Variants in CTNNA3 observed in about 807,000 individuals in gnomAD.
CTNNA3 encodes the protein catenin alpha-3.
CTNNA3 carries 76 observed loss-of-function variants against 95.7 expected under a neutral mutation model. The ratio of observed to expected loss-of-function variants is 0.79; its 90% CI spans 0.66 to 0.96. The LOEUF is 0.96. Ranked by LOEUF, CTNNA3 falls within the 40% of genes least tolerant of loss-of-function variation. The pLI is 0.00. For missense variants in CTNNA3, 1,191 were observed against 1,089.8 expected (o/e 1.09, Z -1.31); for synonymous variants, 431 against 374.4 (o/e 1.15, Z -1.74).
At chr10:66,108,726 C>T (rs1338345174) in intron 13 of CTNNA3, among the ~76,000 whole-genome samples, 1 of 151,970 alleles carries the variant, frequency 6.6e-6, no homozygotes, top group African/African-American at 2.4e-5. Flanking sequence ...CATAGTATGT[C>T]TCAATTTTTC....
intron 7 of CTNNA3, among the ~76,000 whole-genome samples, chr10:67,052,313 A>ACTCTCTCTCTCTCTCTCT (rs3841706): frequency 1.2e-4 from 15 of 121,118 alleles, no homozygotes; most frequent in South Asian, 6.3e-4. Flanking sequence ...CCCACTCATC[A>ACTCTCTCTCTCTCTCTCT]CTCTCTCTCT....
At chr10:67,228,167 T>G (rs1865017138) in intron 5 of CTNNA3, among the ~76,000 whole-genome samples, 1 of 151,566 alleles carries the variant, frequency 6.6e-6, no homozygotes, top group Admixed American at 6.6e-5. Flanking sequence ...AGAAAGGAAA[T>G]AACCAAGATC....
chr10:66,155,547 A>T (rs564528160), intron 13 of CTNNA3, among the ~76,000 whole-genome samples: 1 of 151,952 alleles, frequency 6.6e-6, no homozygotes, highest in Non-Finnish European at 1.5e-5. Context: ...ACAAACCCAC[A>T]CACGTTCCTG....
chr10:66,057,375 T>C (rs2080108419), intron 15 of CTNNA3, among the ~76,000 whole-genome samples: 1 of 152,212 alleles, frequency 6.6e-6, no homozygotes, highest in Admixed American at 6.5e-5. Flanking sequence ...ACAAATTTAC[T>C]ACAGAGTTTA....
chr10:66,305,785 A>G (rs1046630148), intron 12 of CTNNA3, among the ~76,000 whole-genome samples: 2 of 152,204 alleles, frequency 1.3e-5, no homozygotes, highest in African/African-American at 4.8e-5. Flanking sequence ...TTAAAAAGGG[A>G]AAATGTATAT....
chr10:66,107,889 T>G (rs986233302), intron 13 of CTNNA3, among the ~76,000 whole-genome samples: 3 of 152,122 alleles, frequency 2.0e-5, no homozygotes, highest in Admixed American at 6.5e-5. Context: ...CATGCTTGGC[T>G]TCTTCTCAGA....
intron 1 of CTNNA3, among the ~76,000 whole-genome samples, chr10:67,695,208 C>G (rs910080223): frequency 1.3e-5 from 2 of 152,206 alleles, no homozygotes; most frequent in African/African-American, 4.8e-5. Flanking sequence ...TGCATTCTCA[C>G]GTTATCTCCA....
chr10:66,464,645 T>C (rs558506176), intron 11 of CTNNA3, among the ~76,000 whole-genome samples: 55 of 151,932 alleles, frequency 3.6e-4, no homozygotes, highest in Middle Eastern at 3.4e-3. Flanking sequence ...TGCCTGTAAT[T>C]CCAGCTACTT....
chr10:66,909,764 A>G (rs1390091867), intron 7 of CTNNA3, among the ~76,000 whole-genome samples: 1 of 152,134 alleles, frequency 6.6e-6, no homozygotes, highest in Non-Finnish European at 1.5e-5. Flanking sequence ...CACTTATCAC[A>G]TCTTGGGTAA....
intron 5 of CTNNA3, among the ~76,000 whole-genome samples, chr10:67,260,274 G>A (rs943408373): frequency 3.9e-5 from 6 of 152,148 alleles, no homozygotes; most frequent in African/African-American, 1.4e-4. Context: ...TGCTACACTC[G>A]GAAGAGGACC....
At chr10:65,950,260 A>C (rs911775731) in intron 17 of CTNNA3, among the ~76,000 whole-genome samples, 7 of 152,178 alleles carry the variant, frequency 4.6e-5, no homozygotes, top group African/African-American at 1.7e-4. Flanking sequence ...CATGAGTCAG[A>C]CTGAAATGAC....
intron 10 of CTNNA3, among the ~76,000 whole-genome samples, chr10:66,595,313 G>A (rs1223831074): frequency 1.3e-5 from 2 of 149,060 alleles, no homozygotes; most frequent in African/African-American, 2.5e-5. Context: ...AATATTCCTT[G>A]TTGATTGATT....
At chr10:66,711,735 G>C (rs1027164341) in intron 9 of CTNNA3, among the ~76,000 whole-genome samples, 4 of 151,892 alleles carry the variant, frequency 2.6e-5, no homozygotes, top group African/African-American at 9.7e-5. Context: ...AATTTTAGTA[G>C]AGACAGGGTT....
chr10:66,302,299 G>C (rs894437087), intron 12 of CTNNA3, among the ~76,000 whole-genome samples: 2 of 151,958 alleles, frequency 1.3e-5, no homozygotes, highest in African/African-American at 4.8e-5. Context: ...ATTCCAGCCA[G>C]GCATTTTGGG....
At chr10:67,375,095 T>G (rs1461141752) in intron 5 of CTNNA3, among the ~76,000 whole-genome samples, 1 of 152,190 alleles carries the variant, frequency 6.6e-6, no homozygotes, top group Non-Finnish European at 1.5e-5. Flanking sequence ...ATTATTTTAG[T>G]GTATGCTTGG....
intron 7 of CTNNA3, among the ~76,000 whole-genome samples, chr10:67,169,406 C>T (rs2132109515): frequency 6.6e-6 from 1 of 152,096 alleles, no homozygotes; most frequent in East Asian, 1.9e-4. Flanking sequence ...ACACAGTTAC[C>T]AAAACAGCAT....
chr10:66,653,114 C>A (rs79191595), intron 9 of CTNNA3, among the ~76,000 whole-genome samples: 7,457 of 152,066 alleles, frequency 0.049, 247 homozygotes, highest in Non-Finnish European at 0.069. Flanking sequence ...TAAGTCCCAG[C>A]CAGAGCAATT....
intron 13 of CTNNA3, among the ~76,000 whole-genome samples, chr10:66,166,524 A>T (rs902824247): frequency 1.3e-5 from 2 of 150,124 alleles, no homozygotes; most frequent in African/African-American, 4.9e-5. Flanking sequence ...AAAAAGAAGA[A>T]GTTTCAGAAA....
intron 5 of CTNNA3, among the ~76,000 whole-genome samples, chr10:67,276,644 G>A (rs1317419303): frequency 6.6e-6 from 1 of 151,992 alleles, no homozygotes; most frequent in Admixed American, 6.6e-5. Context: ...ATTATATATG[G>A]TTGATACATT....
Sources: allele counts gnomAD v4.1 joint callset (sites outside exome capture counted in the v4.1 genomes callset), GRCh38; gene constraint gnomAD v4.1.1; transcripts MANE v1.5; gene names NCBI Gene and HGNC (gene_info 2026-07-23, HGNC 2026-07-21).